MYO18A: variants seen among roughly 807,000 people sequenced by gnomAD.
MYO18A encodes the protein unconventional myosin-XVIIIa.
MYO18A carries 78 observed loss-of-function variants against 235.8 expected under a neutral mutation model. That is an observed-to-expected ratio of 0.33 (90% CI 0.28 to 0.40). The LOEUF is 0.40. Among genes scored for constraint, MYO18A ranks in the 10% least tolerant of loss-of-function variants. The pLI is 1.00. For synonymous variants in MYO18A, 977 were observed against 1,077.8 expected (o/e 0.91, Z 1.83); for missense variants, 2,215 against 2,699.3 (o/e 0.82, Z 3.98).
At chr17:29,116,328 TG>T in intron 11 of MYO18A, 115 bp downstream of exon 11, 1 of 1,202,930 alleles carries the variant, frequency 8.3e-7, no homozygotes, top group Non-Finnish European at 1.2e-6. Flanking sequence ...GGCCCAACAG[TG>T]GGGAGGCAAA....
intron 2 of MYO18A, among the ~76,000 whole-genome samples, chr17:29,124,047 CAAAAA>C: frequency 7.1e-6 from 1 of 141,556 alleles, no homozygotes; most frequent in East Asian, 2.0e-4. Flanking sequence ...GACTCCATCT[CAAAAA>C]AAAAAAAAAT....
At chr17:29,079,493 G>T (rs1387992230) in intron 41 of MYO18A, among the ~76,000 whole-genome samples, 1 of 152,234 alleles carries the variant, frequency 6.6e-6, no homozygotes, top group Non-Finnish European at 1.5e-5. Flanking sequence ...GTCAGGACTT[G>T]TAAGTGGGAG....
At position 29,092,381 on chromosome 17, in the gene MYO18A, G is replaced by A; in HGVS notation, c.5149C>T (p.His1717Tyr). The change falls in exon 34 of 42, where the codon CAC (histidine) becomes TAC (tyrosine). Residue 1717 changes from histidine to tyrosine, a missense_variant. Coordinates refer to ENST00000527372, the MANE Select transcript of MYO18A (RefSeq NM_078471.4). ...TTGGCGATGTCATCAATCTGCAGGT[G>A]CAGGTCTTCGATCTCCACCTCCATT... Reference protein sequence around the residue: ...KAMEVEIEDLHLQIDDIAKAK... With the variant: ...KAMEVEIEDLYLQIDDIAKAK... 6.2e-7 allele frequency: 1 copy of A among 1,612,092 alleles called. No individual in the cohort carries two copies. The highest frequency in any genetic ancestry group is 1.1e-5 in the South Asian group (1 of 91,044).
chr17:29,082,509 G>A, intron 40 of MYO18A, 71 bp from the exon 41 acceptor site: 3 of 1,525,432 alleles, frequency 2.0e-6, no homozygotes, highest in Non-Finnish European at 1.8e-6. Flanking sequence ...GCAGATGGGG[G>A]TGCAGGGGGT....
At chr17:29,138,630 T>C (rs925548638) in intron 2 of MYO18A, among the ~76,000 whole-genome samples, 3 of 152,222 alleles carry the variant, frequency 2.0e-5, no homozygotes, top group African/African-American at 7.2e-5. Flanking sequence ...AATCATCTCA[T>C]TTGATCCTCA....
At chr17:29,151,784 A>G (rs2067968650) in intron 2 of MYO18A, among the ~76,000 whole-genome samples, 2 of 152,208 alleles carry the variant, frequency 1.3e-5, no homozygotes, top group Non-Finnish European at 2.9e-5. Context: ...TAGTACTCCT[A>G]TAGAATCAGA....
chr17:29,167,136 G>C, intron 1 of MYO18A, 115 bp from the exon 2 acceptor site: 1 of 685,478 alleles, frequency 1.5e-6, no homozygotes, highest in Non-Finnish European at 2.3e-6. Context: ...CTATGTGCCA[G>C]GCACTCTGCC....
intron 28 of MYO18A, 63 bp from the exon 29 acceptor site, chr17:29,095,122 G>A (rs2066490499): frequency 8.2e-6 from 12 of 1,470,816 alleles, no homozygotes; most frequent in Non-Finnish European, 1.1e-5. Context: ...CACAGACACT[G>A]TCAGGAGGTG....
intron 1 of MYO18A, among the ~76,000 whole-genome samples, chr17:29,170,551 C>T (rs1208381060): frequency 6.6e-6 from 1 of 152,198 alleles, no homozygotes; most frequent in Non-Finnish European, 1.5e-5. Flanking sequence ...CCTCCCATTC[C>T]TCTCCTACCC....
At chr17:29,159,559 A>C (rs2068129463) in intron 2 of MYO18A, among the ~76,000 whole-genome samples, 1 of 152,250 alleles carries the variant, frequency 6.6e-6, no homozygotes, top group Admixed American at 6.5e-5. Context: ...TTGCAGTAAA[A>C]TCAGGAACAG....
chr17:29,074,756 A>C lies in MYO18A; in HGVS notation c.*14T>G, dbSNP rs1275391046. 6.2e-7 allele frequency: 1 copy of C among 1,613,358 alleles called. No individual in the cohort carries two copies. Among genetic ancestry groups the C allele is most frequent in the East Asian group, 2.2e-5 (1 of 44,856 alleles). On this transcript the variant is annotated 3_prime_UTR_variant, in exon 42 of 42. Coordinates refer to ENST00000527372, the MANE Select transcript of MYO18A (RefSeq NM_078471.4). The surrounding 1 kb of genome is among the most constrained non-coding windows in gnomAD (Gnocchi z 4.4). ...AGGCCCTGGGGTGAGAGGGCTGCCA[A>C]CCACTCCCCTGGGCTATGCGTTAGT...
chr17:29,113,755 T>G (rs888452866), intron 15 of MYO18A, among the ~76,000 whole-genome samples: 1 of 152,190 alleles, frequency 6.6e-6, no homozygotes, highest in African/African-American at 2.4e-5. Flanking sequence ...CCTGCCTGAC[T>G]GGGACCCCCA....
At chr17:29,085,556 T>G (rs1444212270) in intron 40 of MYO18A, 48 bp downstream of exon 40, 35 of 1,596,002 alleles carry the variant, frequency 2.2e-5, no homozygotes, top group Non-Finnish European at 2.4e-5. Context: ...TAGGGGTGGT[T>G]AGACACCCGC....
Position 29,121,787 on chromosome 17 carries a change from G to A in MYO18A, c.1194+64C>T. 4.4e-6 allele frequency: 7 copies of A among 1,608,560 alleles called. No homozygotes were observed. The South Asian group carries it at 4.4e-5, about 10-fold the overall frequency. On this transcript the variant is annotated intron_variant, in intron 4 of 41. Coordinates refer to ENST00000527372, the MANE Select transcript of MYO18A (RefSeq NM_078471.4). This position sits in a 1 kb window ranked among gnomAD's most constrained non-coding sequence, Gnocchi z 4.2. ...GAGCCCATCTCCGCTGCCAGAGGAT[G>A]GGCCTGCCCTGCCCAGTGCACTCCT...
intron 20 of MYO18A, among the ~76,000 whole-genome samples, chr17:29,105,462 G>T (rs2066761124): frequency 6.6e-6 from 1 of 152,154 alleles, no homozygotes; most frequent in Non-Finnish European, 1.5e-5. Flanking sequence ...AGAGAGAGAA[G>T]TGAATTCACA....
At chr17:29,172,196 G>A (rs1022758502) in intron 1 of MYO18A, among the ~76,000 whole-genome samples, 2 of 152,114 alleles carry the variant, frequency 1.3e-5, no homozygotes, top group East Asian at 1.9e-4. Flanking sequence ...AAACAGGGCC[G>A]GGCGCAATGG....
chr17:29,113,949 C>G, intron 15 of MYO18A, 62 bp downstream of exon 15: 3 of 1,375,772 alleles, frequency 2.2e-6, no homozygotes, highest in Non-Finnish European at 3.0e-6. Context: ...AGGGCTCCAC[C>G]ACGGGGAGAG....
chr17:29,135,520 T>C (rs1199971116), intron 2 of MYO18A, among the ~76,000 whole-genome samples: 3 of 152,266 alleles, frequency 2.0e-5, no homozygotes, highest in East Asian at 3.8e-4. Flanking sequence ...ATTATTCAGT[T>C]AATGTGCTAG....
In MYO18A at chr17:29,099,794, T is replaced by C. The variant is rs1377312119; in HGVS notation, c.3508-32A>G. 6 of 1,605,654 alleles carry C rather than the reference T, an allele frequency of 3.7e-6. No homozygotes were observed. In the Admixed American group the frequency reaches 6.7e-5, roughly 18 times the overall value. On this transcript the variant is annotated intron_variant, in intron 21 of 41. Transcript: ENST00000527372. ...AAAAGCAGGCCAGGTGAAGGCAGGATACTGGGCCAGCCCAGCAGAGGAAAG... is the reference window on the plus strand; with the variant it reads ...AAAAGCAGGCCAGGTGAAGGCAGGACACTGGGCCAGCCCAGCAGAGGAAAG...
Sources: allele counts gnomAD v4.1 joint callset (sites outside exome capture counted in the v4.1 genomes callset), GRCh38; gene constraint gnomAD v4.1.1; non-coding constraint Gnocchi (gnomAD v3.1); transcripts MANE v1.5; gene names NCBI Gene and HGNC (gene_info 2026-07-23, HGNC 2026-07-21).